ASTN2: variants seen among roughly 807,000 people sequenced by gnomAD.
ASTN2 encodes astrotactin 2, also known as astrotactin-2.
In ASTN2, 54 loss-of-function variants were observed where a neutral mutation model predicts 139.8. The observed-to-expected ratio is 0.39, with a 90% CI of 0.31 to 0.48. ASTN2 has a LOEUF of 0.48. ASTN2 is among the 20% of genes least tolerant of loss of function. The pLI is 0.95. For synonymous variants in ASTN2, 756 were observed against 719.5 expected, an observed-to-expected ratio of 1.05 and a Z score of -0.81; for missense variants, 1,565 against 1,725.1, an observed-to-expected ratio of 0.91 and a Z score of 1.64.
chr9:117,159,640 G>A (rs1347207222), intron 3 of ASTN2, among the ~76,000 whole-genome samples: 1 of 152,024 alleles, frequency 6.6e-6, no homozygotes, highest in Non-Finnish European at 1.5e-5. Flanking sequence ...TATATCAGGT[G>A]CTTGATATAG....
intron 1 of ASTN2, among the ~76,000 whole-genome samples, chr9:117,382,933 T>A (rs1423557646): frequency 6.6e-6 from 1 of 152,094 alleles, no homozygotes; most frequent in Non-Finnish European, 1.5e-5. Context: ...AACAAAAGAA[T>A]GAATACTATA....
Position 116,947,217 on chromosome 9 carries a change from A to T in ASTN2, c.1889+27991T>A, listed in dbSNP as rs3860182. Reference sequence around the variant, plus strand: ...GACGTGGGGCATTTGGAAGTCACTCAACTTCTAAGAAACTTAGTTTCTTAC... The same window carrying T: ...GACGTGGGGCATTTGGAAGTCACTCTACTTCTAAGAAACTTAGTTTCTTAC... On this transcript the variant is annotated intron_variant, in intron 10 of 22. Coordinates refer to ENST00000313400, the MANE Select transcript of ASTN2 (RefSeq NM_001365068.1). 8.9e-3 allele frequency among the ~76,000 whole-genome samples: 1,355 copies of T among 152,300 alleles called. 29 individuals are homozygous for T. Among genetic ancestry groups the T allele is most frequent in the African/African-American group, 0.031 (1,284 of 41,562 alleles).
rs1847304635 is a variant in ASTN2 at position 116,426,167 on chromosome 9, AACAAATGGTAACTTCTC to A, written c.3783-96_3783-80del. 11 of 1,537,964 alleles carry A rather than the reference AACAAATGGTAACTTCTC, an allele frequency of 7.2e-6. No individual in the cohort carries two copies. In the South Asian group the frequency reaches 1.0e-4, roughly 15 times the overall value. On this transcript the variant is annotated intron_variant, in intron 22 of 22. Coordinates refer to ENST00000313400, the MANE Select transcript of ASTN2 (RefSeq NM_001365068.1). The stretch of plus-strand genomic sequence containing the variant: ...ACCTTTGAGGTAGTAAATGTCAACA[AACAAATGGTAACTTCTC>A]CCAACCATTTCCTATCTACTCCAGA...
At chr9:116,626,950 T>C (rs1241844682) in intron 17 of ASTN2, among the ~76,000 whole-genome samples, 1 of 152,208 alleles carries the variant, frequency 6.6e-6, no homozygotes, top group Non-Finnish European at 1.5e-5. Flanking sequence ...CTCCTCATAA[T>C]TGCTGCAGAA....
intron 19 of ASTN2, among the ~76,000 whole-genome samples, chr9:116,544,041 G>GA (rs1157439150): frequency 1.3e-5 from 2 of 152,140 alleles, no homozygotes; most frequent in African/African-American, 4.8e-5. Flanking sequence ...AAATGAGTTA[G>GA]CAATGTCCAA....
chr9:116,910,326 T>C (rs1564336285), intron 10 of ASTN2, among the ~76,000 whole-genome samples: 1 of 152,186 alleles, frequency 6.6e-6, no homozygotes, highest in South Asian at 2.1e-4. Context: ...AACACTGGCA[T>C]TTCGGGTCGG....
chr9:117,233,764 C>T (rs74576908), intron 2 of ASTN2, among the ~76,000 whole-genome samples: 2,491 of 152,110 alleles, frequency 0.016, 35 homozygotes, highest in Middle Eastern at 0.041. Context: ...ATGAGACTGA[C>T]CAAGGAAGAA....
At chr9:117,242,525 A>G (rs747439313) in intron 2 of ASTN2, among the ~76,000 whole-genome samples, 8 of 152,346 alleles carry the variant, frequency 5.3e-5, no homozygotes, top group Admixed American at 2.0e-4. Flanking sequence ...GAAAAGCATA[A>G]TAGTATAACT....
chr9:116,919,452 G>A (rs987141443), intron 10 of ASTN2, among the ~76,000 whole-genome samples: 2 of 152,048 alleles, frequency 1.3e-5, no homozygotes, highest in Non-Finnish European at 2.9e-5. Context: ...GGAACACACT[G>A]TGAACGTTTT....
intron 3 of ASTN2, among the ~76,000 whole-genome samples, chr9:117,179,728 G>A (rs1238276256): frequency 6.6e-6 from 1 of 152,124 alleles, no homozygotes; most frequent in African/African-American, 2.4e-5. Context: ...GGGCCTAAAG[G>A]CACAGGCAGG....
At chr9:116,872,899 G>C in intron 10 of ASTN2, among the ~76,000 whole-genome samples, 1 of 152,198 alleles carries the variant, frequency 6.6e-6, no homozygotes, top group East Asian at 1.9e-4. Flanking sequence ...AGCAGAAGGA[G>C]TGCCAGGAGC....
intron 4 of ASTN2, among the ~76,000 whole-genome samples, chr9:117,103,092 T>G (rs1250085978): frequency 6.6e-6 from 1 of 152,142 alleles, no homozygotes; most frequent in Non-Finnish European, 1.5e-5. Flanking sequence ...CTAGACCACA[T>G]GTTCACCTAA....
intron 12 of ASTN2, 123 bp downstream of exon 12, chr9:116,820,494 G>A (rs1276231516): frequency 7.8e-7 from 1 of 1,281,414 alleles, no homozygotes. Flanking sequence ...AACAGGAAAG[G>A]CAGAAAGGCC....
At chr9:117,371,497 T>C (rs1564171193) in intron 1 of ASTN2, among the ~76,000 whole-genome samples, 1 of 152,128 alleles carries the variant, frequency 6.6e-6, no homozygotes. Flanking sequence ...CAAGGAATGT[T>C]TCCAAGGAAG....
intron 19 of ASTN2, among the ~76,000 whole-genome samples, chr9:116,577,523 C>G (rs895934052): frequency 6.7e-6 from 1 of 149,302 alleles, no homozygotes; most frequent in Non-Finnish European, 1.5e-5. Flanking sequence ...CAGAATGAAA[C>G]TGTGTCTCAA....
intron 19 of ASTN2, among the ~76,000 whole-genome samples, chr9:116,520,268 T>G (rs1340077505): frequency 1.3e-5 from 2 of 151,978 alleles, no homozygotes; most frequent in African/African-American, 4.8e-5. Context: ...ACTAGTAAAC[T>G]GAATTCAACA....
At chr9:116,528,886 A>G (rs1851207370) in intron 19 of ASTN2, among the ~76,000 whole-genome samples, 1 of 152,170 alleles carries the variant, frequency 6.6e-6, no homozygotes. Context: ...AGAAGACAAG[A>G]GTTGAGGTTT....
chr9:116,894,688 T>C (rs1833841145), intron 10 of ASTN2, among the ~76,000 whole-genome samples: 1 of 152,156 alleles, frequency 6.6e-6, no homozygotes, highest in Admixed American at 6.6e-5. Flanking sequence ...AAGTGATTCT[T>C]CTGCCTTGGC....
intron 19 of ASTN2, among the ~76,000 whole-genome samples, chr9:116,510,737 C>T (rs1474652266): frequency 6.6e-6 from 1 of 152,066 alleles, no homozygotes; most frequent in Admixed American, 6.5e-5. Flanking sequence ...AAGTTGGATT[C>T]CTAGGTATTT....
Sources: gnomAD v4.1 joint callset for allele counts (sites outside exome capture counted in the v4.1 genomes callset) on GRCh38, gnomAD v4.1.1 for gene constraint, MANE v1.5 for transcripts, NCBI Gene and HGNC (gene_info 2026-07-23, HGNC 2026-07-21) for gene names.